Variants in ITGB1BP1 observed in about 807,000 individuals in gnomAD.
The protein encoded by ITGB1BP1 is integrin subunit beta 1 binding protein 1.
In ITGB1BP1, 20 loss-of-function variants were observed where a neutral mutation model predicts 28.0. That is an observed-to-expected ratio of 0.71 (90% confidence interval 0.50 to 1.04). The LOEUF (loss-of-function observed/expected upper bound fraction) is 1.04, where lower values mean the gene tolerates loss of function less well. Ranked by LOEUF, ITGB1BP1 falls within the 50% of genes least tolerant of loss-of-function variation. ITGB1BP1 has a pLI of 0.00. For missense variants in ITGB1BP1, 228 were observed against 242.5 expected (o/e 0.94, Z 0.40); for synonymous variants, 103 against 89.5 (o/e 1.15, Z -0.85).
chr2:9,423,327 G>A, intron 1 of ITGB1BP1, 46 bp downstream of exon 1: 1 of 1,219,930 alleles, frequency 8.2e-7, no homozygotes, highest in Non-Finnish European at 1.0e-6. Flanking sequence ...TTCCCGTCAG[G>A]CCTCCGCGAG....
At chr2:9,410,136 C>T (rs984899320) in intron 4 of ITGB1BP1, among the ~76,000 whole-genome samples, 6 of 152,002 alleles carry the variant, frequency 3.9e-5, no homozygotes, top group African/African-American at 9.7e-5. Flanking sequence ...TGAGCCACCG[C>T]GCCCAGCCCG....
rs1437541193 is a variant in ITGB1BP1 at position 9,415,094 on chromosome 2, T to C, written c.73-838A>G. ...CCCCGTCTCTACTTAAAAAAAAAAA[T>C]ATGGCTGGGTGTGGTGGCTCACGCC... On this transcript the variant is annotated intron_variant, in intron 2 of 6. Transcript: ENST00000355346. The surrounding 1 kb of genome is among the most constrained non-coding windows in gnomAD (Gnocchi z 4.1). Among the ~76,000 whole-genome samples, 1 of 131,814 alleles carries C rather than the reference T, an allele frequency of 7.6e-6. No individual in the cohort carries two copies. The highest frequency in any genetic ancestry group is 1.7e-5 in the Non-Finnish European group (1 of 60,276). The allele number at this position is 131,814 out of a possible 152,430, so 86.5% of individuals were successfully genotyped here.
chr2:9,408,007 C>T, intron 5 of ITGB1BP1, 106 bp downstream of exon 5: 1 of 684,478 alleles, frequency 1.5e-6, no homozygotes, highest in South Asian at 1.8e-5. Flanking sequence ...TGTTTACAAA[C>T]CAATCACTCT....
In ITGB1BP1 at chr2:9,417,292, C is replaced by G. The variant is rs1342288363; in HGVS notation, c.72+1334G>C. On this transcript the variant is annotated intron_variant, in intron 2 of 6. Coordinates refer to ENST00000355346, the MANE Select transcript of ITGB1BP1 (RefSeq NM_004763.5). ...CTCCCATGGGCCTTTGCTCTCTCCT[C>G]TCCCTAAACTGCGATCCTTCCAGAT... is the stretch of plus-strand genomic sequence containing the variant. 2.0e-5 allele frequency among the ~76,000 whole-genome samples: 3 copies of G among 152,128 alleles called. No individual in the cohort carries two copies. In the East Asian group the frequency reaches 5.8e-4, roughly 29 times the overall value.
intron 4 of ITGB1BP1, among the ~76,000 whole-genome samples, chr2:9,409,826 A>G (rs2148875270): frequency 6.6e-6 from 1 of 151,698 alleles, no homozygotes; most frequent in African/African-American, 2.4e-5. Context: ...ATACTTGTCC[A>G]AACTACCGTG....
intron 6 of ITGB1BP1, 50 bp from the exon 7 acceptor site, chr2:9,406,955 T>C (rs1355206297): frequency 2.1e-6 from 3 of 1,421,920 alleles, no homozygotes; most frequent in South Asian, 1.1e-5. Context: ...TGTCTCTTCG[T>C]GAACTTAATT....
intron 1 of ITGB1BP1, chr2:9,422,756 C>T (rs956060976): frequency 1.0e-6 from 1 of 985,632 alleles, no homozygotes; most frequent in Non-Finnish European, 1.2e-6. Context: ...ACGTGCCATG[C>T]ACGGTGCTAG....
chr2:9,409,261 C>A (rs1350225308), intron 4 of ITGB1BP1, among the ~76,000 whole-genome samples: 1 of 152,206 alleles, frequency 6.6e-6, no homozygotes, highest in Non-Finnish European at 1.5e-5. Context: ...TGGAACCACT[C>A]GCCCACATTA....
rs1677190582 is a variant in ITGB1BP1, at chr2:9,405,766, G to A, written c.*1068C>T. 1 of 152,136 alleles carries A rather than the reference G, an allele frequency of 6.6e-6. No individual in the cohort carries two copies. The highest frequency in any genetic ancestry group is 2.4e-5 in the African/African-American group (1 of 41,424). The allele number at this position is 152,136 out of a possible 1,614,324, so 9.4% of individuals were successfully genotyped here. A position where few individuals can be genotyped will look rare whatever the true frequency, so the allele number is the denominator to read the frequency against. On this transcript the variant is annotated 3_prime_UTR_variant, in exon 7 of 7. Coordinates refer to ENST00000355346, the MANE Select transcript of ITGB1BP1 (RefSeq NM_004763.5). ...AAGTACACTATCATACTGTACATGGGATCTTTACATACTTTTAGCATGAGC... is the reference window on the plus strand; with the variant it reads ...AAGTACACTATCATACTGTACATGGAATCTTTACATACTTTTAGCATGAGC...
At position 9,406,668 on chromosome 2, in the gene ITGB1BP1, T is replaced by C. The variant is rs1371356886; in HGVS notation, c.*166A>G. 2 of 629,474 alleles carry C rather than the reference T, an allele frequency of 3.2e-6. No homozygotes were observed. Among genetic ancestry groups the C allele is most frequent in the African/African-American group, 3.7e-5 (2 of 54,634 alleles). The allele number at this position is 629,474 out of a possible 1,614,324, so 39.0% of individuals were successfully genotyped here. On this transcript the variant is annotated 3_prime_UTR_variant, in exon 7 of 7. Transcript: ENST00000355346. ...CTTCATTGAGAGTTAACTCACTGTG[T>C]AATAGGACACATTTTAATAAACAAA...
At chr2:9,418,469 T>C (rs997829503) in intron 2 of ITGB1BP1, among the ~76,000 whole-genome samples, 157 bp downstream of exon 2, 9 of 152,216 alleles carry the variant, frequency 5.9e-5, no homozygotes, top group African/African-American at 1.9e-4. Flanking sequence ...AAGCCAAGCA[T>C]AGAATGCATC....
At chr2:9,407,035 T>C in intron 6 of ITGB1BP1, 130 bp from the exon 7 acceptor site, 3 of 715,148 alleles carry the variant, frequency 4.2e-6, no homozygotes, top group Non-Finnish European at 7.6e-6. Context: ...CATGCCTGCC[T>C]GGGTCAGTGG....
At position 9,415,643 on chromosome 2, in the gene ITGB1BP1, G is replaced by A. The variant is rs900383521; in HGVS notation, c.73-1387C>T. Among the ~76,000 whole-genome samples the A allele has an allele frequency of 1.3e-5, 2 of 152,154 alleles. No individual in the cohort carries two copies. The highest frequency in any genetic ancestry group is 2.4e-5 in the African/African-American group (1 of 41,432). ...TGAGATTTCCCTGTAGGGTCCCCAC[G>A]CTTAAGGCTGAGGAAGTGGCAGTAG... On this transcript the variant is annotated intron_variant, in intron 2 of 6. Coordinates refer to ENST00000355346, the MANE Select transcript of ITGB1BP1 (RefSeq NM_004763.5). This position sits in a 1 kb window ranked among gnomAD's most constrained non-coding sequence, Gnocchi z 4.1.
chr2:9,414,283 A>C (rs761888097), intron 2 of ITGB1BP1, 27 bp from the exon 3 acceptor site: 1 of 1,572,104 alleles, frequency 6.4e-7, no homozygotes, highest in East Asian at 2.2e-5. Context: ...CAAGTAAAAA[A>C]CCTCCACTGA....
chr2:9,423,552 T>C (rs1010694158), upstream of ITGB1BP1: 1 of 1,143,878 alleles, frequency 8.7e-7, no homozygotes, highest in Non-Finnish European at 1.2e-6. Context: ...CCTGACGTCC[T>C]ACCCCCGGTT....
chr2:9,403,730 G>A lies in ITGB1BP1; in HGVS notation c.*3104C>T, dbSNP rs1676946143. 1 of 169,390 alleles carries A rather than the reference G, an allele frequency of 5.9e-6. No homozygotes were observed. The highest frequency in any genetic ancestry group is 1.3e-5 in the Non-Finnish European group (1 of 79,248). The allele number at this position is 169,390 out of a possible 1,614,324, so 10.5% of individuals were successfully genotyped here. ...ACAATTATTATTTTAGGCGGCCAGT[G>A]AACTGCTGCTTCAGAAGTCCATAGC... is the stretch of plus-strand genomic sequence containing the variant. On this transcript the variant is annotated 3_prime_UTR_variant, in exon 7 of 7. Transcript: ENST00000355346.
intron 4 of ITGB1BP1, among the ~76,000 whole-genome samples, chr2:9,409,911 C>T (rs2148876206): frequency 7.1e-6 from 1 of 141,196 alleles, no homozygotes; most frequent in South Asian, 2.3e-4. Context: ...ATGGCGCGAT[C>T]TCGGCTCACT....
rs1558414382 is a variant in ITGB1BP1 at position 9,406,026 on chromosome 2, AGTGTGTGTC to A, written c.*799_*807del. ...TGTCCTCAGTCTTCCTCAGGCCTTC[AGTGTGTGTC>A]ACTGAGTGGACCTCTGTGACATCTC... On this transcript the variant is annotated 3_prime_UTR_variant, in exon 7 of 7. Transcript: ENST00000355346. The A allele has an allele frequency of 6.4e-4, 93 of 144,254 alleles. No individual in the cohort carries two copies. Among genetic ancestry groups the A allele is most frequent in the African/African-American group, 2.2e-3 (88 of 39,798 alleles). The allele number at this position is 144,254 out of a possible 1,614,324, so 8.9% of individuals were successfully genotyped here.
At chr2:9,416,805 C>T (rs1679200781) in intron 2 of ITGB1BP1, among the ~76,000 whole-genome samples, 3 of 152,136 alleles carry the variant, frequency 2.0e-5, no homozygotes, top group Admixed American at 2.0e-4. Context: ...GGGTGTCAAT[C>T]ATGTCTCAAA....
Sources: gnomAD v4.1 joint callset for allele counts (sites outside exome capture counted in the v4.1 genomes callset) on GRCh38, gnomAD v4.1.1 for gene constraint, Gnocchi (gnomAD v3.1) non-coding constraint, MANE v1.5 for transcripts, NCBI Gene and HGNC (gene_info 2026-07-23, HGNC 2026-07-21) for gene names.